ABCA13: variants seen among roughly 807,000 people sequenced by gnomAD.
ABCA13 encodes the protein ATP-binding cassette sub-family A member 13.
In ABCA13, 476 loss-of-function variants were observed where a neutral mutation model predicts 478.7. The observed-to-expected ratio is 0.99, with a 90% confidence interval of 0.92 to 1.07. The LOEUF is 1.07. ABCA13 is among the 50% of genes least tolerant of loss of function. The pLI is 0.00. For synonymous variants in ABCA13, 2,252 were observed against 2,158.9 expected, an observed-to-expected ratio of 1.04 and a Z score of -1.20; for missense variants, 6,060 against 5,910.6, an observed-to-expected ratio of 1.03 and a Z score of -0.83.
chr7:48,376,177 A>G (rs1247016415), intron 34 of ABCA13, among the ~76,000 whole-genome samples: 2 of 152,190 alleles, frequency 1.3e-5, no homozygotes, highest in Non-Finnish European at 2.9e-5. Context: ...AAAACCAGAT[A>G]TGAGTAAGGT....
At chr7:48,370,750 C>T (rs942800738) in intron 32 of ABCA13, among the ~76,000 whole-genome samples, 7 of 152,046 alleles carry the variant, frequency 4.6e-5, no homozygotes, top group African/African-American at 1.7e-4. Flanking sequence ...GAAGAAAGTT[C>T]ACAACGTTAA....
At chr7:48,390,118 A>G (rs1343428005) in intron 37 of ABCA13, among the ~76,000 whole-genome samples, 2 of 152,210 alleles carry the variant, frequency 1.3e-5, no homozygotes, top group Non-Finnish European at 2.9e-5. Flanking sequence ...TGCACAAATA[A>G]TGACTCAGCC....
At chr7:48,289,736 T>A (rs1486246307) in intron 20 of ABCA13, among the ~76,000 whole-genome samples, 1 of 152,228 alleles carries the variant, frequency 6.6e-6, no homozygotes, top group Non-Finnish European at 1.5e-5. Flanking sequence ...TCAGAGCAAC[T>A]GACTCAAAGA....
chr7:48,355,006 A>T (rs886423359), intron 31 of ABCA13, among the ~76,000 whole-genome samples: 2 of 144,130 alleles, frequency 1.4e-5, no homozygotes, highest in Non-Finnish European at 1.6e-5. Context: ...TAGACTGAAT[A>T]AGTAAAGAAA....
Position 48,591,823 on chromosome 7 carries a change from T to C in ABCA13, c.14641-2887T>C, listed in dbSNP as rs142007776. Among the ~76,000 whole-genome samples the C allele has an allele frequency of 1.8e-3, 279 of 152,110 alleles. 1 individual carries two copies. Among genetic ancestry groups the C allele is most frequent in the African/African-American group, 6.3e-3 (263 of 41,580 alleles). On this transcript the variant is annotated intron_variant, in intron 57 of 61. Transcript: ENST00000435803. ...ATATTTGTATGTTGATTTTGTATCA[T>C]ATGACTTTATTGCATTTGTTTATTA...
chr7:48,368,677 GTGTGTATGTGTATATATATATA>G (rs1180600952), intron 32 of ABCA13, among the ~76,000 whole-genome samples: 6 of 108,784 alleles, frequency 5.5e-5, no homozygotes, highest in Admixed American at 3.8e-4. Flanking sequence ...TGGTGTGTGT[GTGTGTATGTGTATATATATATA>G]TATATATATA....
intron 39 of ABCA13, among the ~76,000 whole-genome samples, chr7:48,405,965 G>T (rs992083372): frequency 2.0e-5 from 3 of 152,190 alleles, no homozygotes; most frequent in Non-Finnish European, 4.4e-5. Flanking sequence ...GTGTTTTCAA[G>T]AATCAAAATG....
chr7:48,640,255 G>A (rs1795010570), intron 59 of ABCA13, among the ~76,000 whole-genome samples: 1 of 152,140 alleles, frequency 6.6e-6, no homozygotes, highest in South Asian at 2.1e-4. Context: ...GGAGCCTTAA[G>A]CTCAGGAATG....
chr7:48,483,285 G>A (rs1828963611), intron 47 of ABCA13, 122 bp downstream of exon 47: 3 of 785,128 alleles, frequency 3.8e-6, no homozygotes, highest in Non-Finnish European at 5.8e-6. Flanking sequence ...TTGTTACTAA[G>A]CATCAAGGAA....
At chr7:48,470,756 A>G (rs1164778689) in intron 44 of ABCA13, among the ~76,000 whole-genome samples, 1 of 152,206 alleles carries the variant, frequency 6.6e-6, no homozygotes, top group Non-Finnish European at 1.5e-5. Flanking sequence ...TAGAGCTGGG[A>G]TCTCGACAGC....
intron 55 of ABCA13, among the ~76,000 whole-genome samples, chr7:48,534,272 G>A (rs1172299406): frequency 6.6e-6 from 1 of 152,086 alleles, no homozygotes; most frequent in Non-Finnish European, 1.5e-5. Flanking sequence ...GCTGATAATT[G>A]CTTTGTTTAA....
chr7:48,430,937 T>G (rs1449269849), intron 42 of ABCA13, among the ~76,000 whole-genome samples: 11 of 152,208 alleles, frequency 7.2e-5, no homozygotes, highest in Admixed American at 5.2e-4. Flanking sequence ...GAAGTTTGCA[T>G]GAATTTGAGA....
At chr7:48,258,998 A>G (rs1318355826) in intron 15 of ABCA13, among the ~76,000 whole-genome samples, 2 of 147,392 alleles carry the variant, frequency 1.4e-5, no homozygotes, top group Non-Finnish European at 3.0e-5. Flanking sequence ...TTTTTTTTTT[A>G]ATTTGCTGAG....
At chr7:48,252,117 C>T (rs1356847647) in intron 15 of ABCA13, among the ~76,000 whole-genome samples, 1 of 152,036 alleles carries the variant, frequency 6.6e-6, no homozygotes, top group African/African-American at 2.4e-5. Flanking sequence ...ACACTCTCTG[C>T]CCCTTTCTCT....
rs1315863538 is a variant in ABCA13, at chr7:48,278,219, G to C, written c.7025G>C (p.Ser2342Thr). The C allele has an allele frequency of 6.2e-7, 1 of 1,605,448 alleles. No homozygotes were observed. The highest frequency in any genetic ancestry group is 1.1e-5 in the South Asian group (1 of 89,874). Residue 2342 changes from serine to threonine, a missense_variant, in exon 18 of 62, where the codon AGT becomes ACT. This residue lies in a region of ABCA13 where 4,423 missense variants were observed against 4,309.1 expected (regional missense o/e 1.03). Transcript: ENST00000435803. Reference protein sequence around the residue: ...LKETIYHLMKSSFILDNGEFY... With the variant: ...LKETIYHLMKTSFILDNGEFY... ...GAGACTATATATCACCTAATGAAAAGTTCATTTATATTAGACAATGGAGAA... is the reference window on the plus strand; with the variant it reads ...GAGACTATATATCACCTAATGAAAACTTCATTTATATTAGACAATGGAGAA...
chr7:48,302,854 T>A (rs1255148839), intron 23 of ABCA13, among the ~76,000 whole-genome samples: 1 of 152,198 alleles, frequency 6.6e-6, no homozygotes, highest in Non-Finnish European at 1.5e-5. Context: ...CCTTTGGGTA[T>A]ACAGCCAGTA....
At chr7:48,480,474 G>T (rs1828643381) in intron 45 of ABCA13, among the ~76,000 whole-genome samples, 2 of 152,244 alleles carry the variant, frequency 1.3e-5, no homozygotes, top group South Asian at 2.1e-4. Flanking sequence ...TCTAAAGCCG[G>T]TCTGTGGCAG....
chr7:48,471,151 T>C (rs1827446192), intron 44 of ABCA13, among the ~76,000 whole-genome samples: 1 of 152,240 alleles, frequency 6.6e-6, no homozygotes, highest in Non-Finnish European at 1.5e-5. Flanking sequence ...ATTGAATTAC[T>C]GTGTCATGCC....
intron 49 of ABCA13, 145 bp from the exon 50 acceptor site, chr7:48,507,727 A>C (rs1831335590): frequency 2.2e-6 from 2 of 928,994 alleles, no homozygotes. Context: ...TTAATGAGGG[A>C]ATCCATGCCC....
Sources: gnomAD v4.1 joint callset for allele counts (sites outside exome capture counted in the v4.1 genomes callset) on GRCh38, gnomAD v4.1.1 for gene constraint, gnomAD v4.1.1 regional missense constraint, MANE v1.5 for transcripts, NCBI Gene and HGNC (gene_info 2026-07-23, HGNC 2026-07-21) for gene names.